Variants in PEBP4 observed in about 807,000 individuals in gnomAD.
The protein encoded by PEBP4 is phosphatidylethanolamine binding protein 4.
A neutral mutation model predicts 23.9 loss-of-function variants in PEBP4; 22 were observed. The ratio of observed to expected loss-of-function variants is 0.92; its 90% CI spans 0.66 to 1.31. The LOEUF (loss-of-function observed/expected upper bound fraction) is 1.31, where lower values mean the gene tolerates loss of function less well. Ranked by LOEUF, PEBP4 falls within the 40% of genes most tolerant of loss-of-function variation. PEBP4 has a pLI of 0.00. For synonymous variants in PEBP4, 112 were observed against 99.3 expected, an observed-to-expected ratio of 1.13 and a Z score of -0.76; for missense variants, 324 against 281.7, an observed-to-expected ratio of 1.15 and a Z score of -1.07.
intron 4 of PEBP4, among the ~76,000 whole-genome samples, chr8:22,736,707 T>G (rs1804867792): frequency 6.6e-6 from 1 of 152,252 alleles, no homozygotes; most frequent in Non-Finnish European, 1.5e-5. Context: ...AACTAAAGAC[T>G]GCCCTTTCTA....
chr8:22,931,029 C>A (rs1809448235), upstream of PEBP4, among the ~76,000 whole-genome samples: 1 of 152,150 alleles, frequency 6.6e-6, no homozygotes, highest in Admixed American at 6.5e-5. Flanking sequence ...GCTGCTGAAA[C>A]TCTTCACTCC....
intron 3 of PEBP4, among the ~76,000 whole-genome samples, chr8:22,901,138 A>C (rs1808702020): frequency 6.6e-6 from 1 of 152,222 alleles, no homozygotes. Context: ...TTATGAACGT[A>C]AAATAAAACC....
At chr8:22,880,538 T>G (rs1808229035) in intron 3 of PEBP4, 1 of 148,490 alleles carries the variant, frequency 6.7e-6, no homozygotes, top group Non-Finnish European at 1.5e-5. Context: ...GTGTTTTGTT[T>G]CTGATGCTGA....
At chr8:22,851,623 C>T (rs764568157) in intron 3 of PEBP4, among the ~76,000 whole-genome samples, 5 of 152,170 alleles carry the variant, frequency 3.3e-5, no homozygotes, top group African/African-American at 9.7e-5. Context: ...TAGAGTTACT[C>T]GGGTCCTCAC....
At chr8:22,765,116 T>TTCCTTCCTTCCTTCCTTC (rs560144016) in intron 4 of PEBP4, among the ~76,000 whole-genome samples, 37 of 145,008 alleles carry the variant, frequency 2.6e-4, no homozygotes, top group African/African-American at 9.0e-4. Flanking sequence ...TTCCTTTATT[T>TTCCTTCCTTCCTTCCTTC]CTTCCTTCCT....
At chr8:22,714,430 C>T (rs1804372397) in intron 6 of PEBP4, among the ~76,000 whole-genome samples, 2 of 151,838 alleles carry the variant, frequency 1.3e-5, no homozygotes, top group Non-Finnish European at 2.9e-5. Flanking sequence ...AATAGCAAAT[C>T]GCTTGTTGGT....
intron 4 of PEBP4, among the ~76,000 whole-genome samples, chr8:22,733,317 C>G (rs574348972): frequency 2.0e-5 from 3 of 152,190 alleles, no homozygotes; most frequent in Non-Finnish European, 2.9e-5. Context: ...CTTGAGCCAT[C>G]CCTACTTAAC....
At chr8:22,716,941 A>G (rs963918791) in intron 6 of PEBP4, among the ~76,000 whole-genome samples, 13 of 152,230 alleles carry the variant, frequency 8.5e-5, no homozygotes, top group Non-Finnish European at 1.9e-4. Flanking sequence ...TAATACAAGT[A>G]ATACTAACCT....
chr8:22,799,959 G>A (rs1806348346), intron 4 of PEBP4, among the ~76,000 whole-genome samples: 1 of 152,194 alleles, frequency 6.6e-6, no homozygotes, highest in African/African-American at 2.4e-5. Flanking sequence ...CAACCCAAAT[G>A]TCCATCAATG....
chr8:22,923,598 G>A (rs540413548), intron 2 of PEBP4, among the ~76,000 whole-genome samples: 9 of 152,202 alleles, frequency 5.9e-5, no homozygotes, highest in African/African-American at 2.2e-4. Context: ...CTTCTCAGCT[G>A]TGCCTGTATG....
chr8:22,839,301 G>A (rs1458081599), intron 3 of PEBP4, among the ~76,000 whole-genome samples: 1 of 152,184 alleles, frequency 6.6e-6, no homozygotes, highest in African/African-American at 2.4e-5. Context: ...ACCCAGCTGG[G>A]AGGGGCGGGG....
At chr8:22,889,578 G>A (rs940598794) in intron 3 of PEBP4, among the ~76,000 whole-genome samples, 6 of 152,232 alleles carry the variant, frequency 3.9e-5, no homozygotes, top group Non-Finnish European at 8.8e-5. Context: ...AAAAGGTAAT[G>A]CCGTAAATTA....
At chr8:22,887,536 T>A (rs143904535) in intron 3 of PEBP4, 5 of 106,674 alleles carry the variant, frequency 4.7e-5, no homozygotes, top group African/African-American at 1.9e-4. Context: ...GAGGCCAAGG[T>A]GGGAGGATTC....
At chr8:22,745,197 C>T (rs1262067361) in intron 4 of PEBP4, among the ~76,000 whole-genome samples, 1 of 152,196 alleles carries the variant, frequency 6.6e-6, no homozygotes, top group Non-Finnish European at 1.5e-5. Flanking sequence ...TATGCCCGGG[C>T]CTGGGGGCAG....
At chr8:22,759,680 A>G (rs941530002) in intron 4 of PEBP4, among the ~76,000 whole-genome samples, 1 of 152,174 alleles carries the variant, frequency 6.6e-6, no homozygotes, top group Non-Finnish European at 1.5e-5. Flanking sequence ...TGCAATCTTG[A>G]TTCCTTTCTT....
intron 4 of PEBP4, among the ~76,000 whole-genome samples, chr8:22,805,578 G>A (rs1402363753): frequency 2.0e-5 from 3 of 151,942 alleles, no homozygotes; most frequent in East Asian, 3.9e-4. Context: ...CTCCCACCTC[G>A]GCCTCCCAAA....
intron 3 of PEBP4, among the ~76,000 whole-genome samples, chr8:22,898,637 G>A (rs960781638): frequency 6.6e-6 from 1 of 152,154 alleles, no homozygotes; most frequent in African/African-American, 2.4e-5. Context: ...CTCACGCCCT[G>A]CACACCCAAG....
chr8:22,857,325 A>G (rs1224182830), intron 3 of PEBP4, among the ~76,000 whole-genome samples: 1 of 152,098 alleles, frequency 6.6e-6, no homozygotes, highest in Non-Finnish European at 1.5e-5. Flanking sequence ...CAGAGAAAGC[A>G]TCTATACCAT....
At chr8:22,784,972 C>T (rs1254426208) in intron 4 of PEBP4, among the ~76,000 whole-genome samples, 4 of 152,172 alleles carry the variant, frequency 2.6e-5, no homozygotes, top group East Asian at 1.9e-4. Context: ...ACACTGCTTG[C>T]GTGAAGGAAC....
Sources: allele counts gnomAD v4.1 joint callset (sites outside exome capture counted in the v4.1 genomes callset), GRCh38; gene constraint gnomAD v4.1.1; transcripts MANE v1.5; gene names NCBI Gene and HGNC (gene_info 2026-07-23, HGNC 2026-07-21).